Variants in SHROOM3 observed in about 807,000 individuals in gnomAD.
The protein encoded by SHROOM3 is shroom family member 3, also known as protein Shroom3.
A neutral mutation model predicts 138.6 loss-of-function variants in SHROOM3; 47 were observed. The ratio of observed to expected loss-of-function variants is 0.34; its 90% CI spans 0.27 to 0.43. The LOEUF (loss-of-function observed/expected upper bound fraction) is 0.43, where lower values mean the gene tolerates loss of function less well. SHROOM3 is among the 20% of genes least tolerant of loss of function. The pLI is 1.00. For synonymous variants in SHROOM3, 1,062 were observed against 1,063.3 expected (o/e 1.00, Z 0.02); for missense variants, 2,491 against 2,596.5 (o/e 0.96, Z 0.88).
intron 2 of SHROOM3, among the ~76,000 whole-genome samples, chr4:76,618,964 C>A (rs1734940501): frequency 6.6e-6 from 1 of 152,218 alleles, no homozygotes; most frequent in Non-Finnish European, 1.5e-5. Context: ...TCTACTGCCT[C>A]AGCCTCCTGA....
At chr4:76,571,587 G>T (rs1353606753) in intron 2 of SHROOM3, among the ~76,000 whole-genome samples, 1 of 152,152 alleles carries the variant, frequency 6.6e-6, no homozygotes, top group African/African-American at 2.4e-5. Context: ...TGGCAGAGGC[G>T]TTAGAGTGCA....
At chr4:76,679,177 A>G (rs187258927) in intron 2 of SHROOM3, among the ~76,000 whole-genome samples, 1 of 152,316 alleles carries the variant, frequency 6.6e-6, no homozygotes, top group Admixed American at 6.5e-5. Context: ...AGTTTATGAC[A>G]GTGTCACCTT....
intron 2 of SHROOM3, among the ~76,000 whole-genome samples, chr4:76,666,706 A>G (rs1214984036): frequency 6.6e-6 from 1 of 152,188 alleles, no homozygotes; most frequent in Non-Finnish European, 1.5e-5. Context: ...AAGATCTTTC[A>G]ATTCTTATAT....
At chr4:76,600,446 T>G (rs1186227938) in intron 2 of SHROOM3, among the ~76,000 whole-genome samples, 1 of 152,210 alleles carries the variant, frequency 6.6e-6, no homozygotes, top group Non-Finnish European at 1.5e-5. Flanking sequence ...TGTGGTACTT[T>G]CAGCTTTCAC....
chr4:76,478,376 G>T (rs1731533292), intron 1 of SHROOM3, among the ~76,000 whole-genome samples: 2 of 152,234 alleles, frequency 1.3e-5, no homozygotes, highest in Admixed American at 1.3e-4. Context: ...TTCAAACTGG[G>T]CAGAGCCCAC....
rs372692440 is a variant in SHROOM3, at chr4:76,741,299, G to T, written c.3126G>T (p.Pro1042=). ...AGGCCGAACCGGCACCCCTGGGCCC[G>T]CAGAGAAATGGGATGCGTTTCCCGG... ...VEEAEPAPLG[P]QRNGMRFPES... The change falls in exon 5 of 11, where the codon CCG becomes CCT. Residue 1042 remains proline, a synonymous_variant. Coordinates refer to ENST00000296043, the MANE Select transcript of SHROOM3 (RefSeq NM_020859.4). The surrounding 1 kb of genome is among the most constrained non-coding windows in gnomAD (Gnocchi z 6.2). 6.2e-7 allele frequency: 1 copy of T among 1,612,034 alleles called. No individual in the cohort carries two copies. The highest frequency in any genetic ancestry group is 8.5e-7 in the Non-Finnish European group (1 of 1,179,666).
intron 2 of SHROOM3, among the ~76,000 whole-genome samples, chr4:76,646,225 A>AATAAATATAAATATATAT (rs61374645): frequency 2.1e-5 from 2 of 96,246 alleles, no homozygotes; most frequent in East Asian, 8.7e-4. Context: ...ATAATAAATA[A>AATAAATATAAATATATAT]ATATATATAT....
intron 2 of SHROOM3, among the ~76,000 whole-genome samples, chr4:76,691,913 T>C (rs2110108326): frequency 6.6e-6 from 1 of 152,344 alleles, no homozygotes; most frequent in Admixed American, 6.5e-5. Flanking sequence ...CCAGCAGTGC[T>C]GAGGTTTTGC....
At chr4:76,678,054 G>A (rs1440736934) in intron 2 of SHROOM3, among the ~76,000 whole-genome samples, 1 of 152,162 alleles carries the variant, frequency 6.6e-6, no homozygotes, top group Non-Finnish European at 1.5e-5. Context: ...TTGTCTGTAG[G>A]TTTTTAGAGA....
chr4:76,464,670 G>A (rs181094260), intron 1 of SHROOM3, among the ~76,000 whole-genome samples: 1 of 152,256 alleles, frequency 6.6e-6, no homozygotes, highest in Admixed American at 6.5e-5. Context: ...CTGATGGGAG[G>A]TGATTGGATC....
At chr4:76,578,385 A>G (rs893801732) in intron 2 of SHROOM3, among the ~76,000 whole-genome samples, 2 of 152,220 alleles carry the variant, frequency 1.3e-5, no homozygotes, top group South Asian at 2.1e-4. Context: ...AGTACTTGGC[A>G]TATGGTAACC....
intron 2 of SHROOM3, chr4:76,645,554 G>T (rs1735795498): frequency 6.6e-6 from 1 of 152,212 alleles, no homozygotes; most frequent in African/African-American, 2.4e-5. Flanking sequence ...GATGAGCATA[G>T]ATAGATAATT....
chr4:76,548,009 G>C (rs1733261791), intron 1 of SHROOM3, among the ~76,000 whole-genome samples: 1 of 151,436 alleles, frequency 6.6e-6, no homozygotes, highest in Non-Finnish European at 1.5e-5. Context: ...AGGAAGATAA[G>C]TAGTATTAGG....
At chr4:76,762,272 C>T (rs1299840246) in intron 9 of SHROOM3, among the ~76,000 whole-genome samples, 2 of 152,250 alleles carry the variant, frequency 1.3e-5, no homozygotes, top group East Asian at 3.9e-4. Context: ...CATATAATAT[C>T]TTAACAGAGA....
chr4:76,611,260 C>T (rs1033613428), intron 2 of SHROOM3, among the ~76,000 whole-genome samples: 1 of 152,004 alleles, frequency 6.6e-6, no homozygotes, highest in Non-Finnish European at 1.5e-5. Context: ...GTGTCTCTCT[C>T]TCTCTCTCTC....
chr4:76,563,130 A>G (rs1255192024), intron 2 of SHROOM3, among the ~76,000 whole-genome samples: 1 of 152,230 alleles, frequency 6.6e-6, no homozygotes, highest in African/African-American at 2.4e-5. Flanking sequence ...TATAAGGATG[A>G]AATAAGATAG....
At chr4:76,601,722 G>A (rs1023727469) in intron 2 of SHROOM3, among the ~76,000 whole-genome samples, 10 of 152,108 alleles carry the variant, frequency 6.6e-5, no homozygotes, top group African/African-American at 2.4e-4. Flanking sequence ...GGCCAGGCTG[G>A]TCTCGAACTC....
chr4:76,467,565 G>A (rs1289797317), intron 1 of SHROOM3, among the ~76,000 whole-genome samples: 1 of 152,104 alleles, frequency 6.6e-6, no homozygotes, highest in African/African-American at 2.4e-5. Context: ...AGTACATACA[G>A]TCTAGAGCAA....
chr4:76,775,836 C>A (rs1722545971), intron 10 of SHROOM3, among the ~76,000 whole-genome samples: 1 of 151,018 alleles, frequency 6.6e-6, no homozygotes, highest in African/African-American at 2.4e-5. Flanking sequence ...CACACACATA[C>A]ATATATACAC....
Sources: gnomAD v4.1 joint callset for allele counts (sites outside exome capture counted in the v4.1 genomes callset) on GRCh38, gnomAD v4.1.1 for gene constraint, Gnocchi (gnomAD v3.1) non-coding constraint, MANE v1.5 for transcripts, NCBI Gene and HGNC (gene_info 2026-07-23, HGNC 2026-07-21) for gene names.